Variants in DOCK3 observed in about 807,000 individuals in gnomAD.
DOCK3 encodes the protein dedicator of cytokinesis protein 3.
DOCK3 carries 60 observed loss-of-function variants against 265.6 expected under a neutral mutation model. The ratio of observed to expected loss-of-function variants is 0.23; its 90% CI spans 0.18 to 0.28. The LOEUF is 0.28. Among genes scored for constraint, DOCK3 ranks in the 10% least tolerant of loss-of-function variants. The pLI, the probability that DOCK3 is intolerant of heterozygous loss-of-function variation, is 1.00. For synonymous variants in DOCK3, 881 were observed against 938.0 expected (o/e 0.94, Z 1.11); for missense variants, 1,981 against 2,594.3 (o/e 0.76, Z 5.14).
Position 51,341,401 on chromosome 3 carries a change from C to G in DOCK3, c.3915+16C>G. 6.2e-7 allele frequency: 1 copy of G among 1,612,828 alleles called. No homozygotes were observed. The highest frequency in any genetic ancestry group is 8.5e-7 in the Non-Finnish European group (1 of 1,179,380). On this transcript the variant is annotated intron_variant, in intron 38 of 52. Coordinates refer to ENST00000266037, the MANE Select transcript of DOCK3 (RefSeq NM_004947.5). The stretch of plus-strand genomic sequence containing the variant: ...CAAAGGCAAGGTATGCATCATTAGG[C>G]AAGCCCTTTAGCCCTTCAGCTTCTG...
intron 3 of DOCK3, among the ~76,000 whole-genome samples, chr3:50,854,591 A>ATTTTTTTTTTTTTTTTT (rs1559726991): frequency 0.031 from 131 of 4,288 alleles, 12 homozygotes; most frequent in Middle Eastern, 0.17. Context: ...CCATCACACC[A>ATTTTTTTTTTTTTTTTT]GTTTTTTTTT....
At chr3:50,708,884 A>G (rs533758231) in intron 1 of DOCK3, among the ~76,000 whole-genome samples, 1 of 152,058 alleles carries the variant, frequency 6.6e-6, no homozygotes, top group African/African-American at 2.4e-5. Flanking sequence ...GCTCTGTTTG[A>G]TGTGTGGTTA....
chr3:51,280,329 C>A, intron 27 of DOCK3, 125 bp downstream of exon 27: 1 of 872,846 alleles, frequency 1.1e-6, no homozygotes, highest in Non-Finnish European at 1.7e-6. Context: ...GATTCACCAG[C>A]CCTGCTTTAC....
At chr3:51,031,704 A>C (rs1312192715) in intron 5 of DOCK3, among the ~76,000 whole-genome samples, 1 of 152,220 alleles carries the variant, frequency 6.6e-6, no homozygotes, top group African/African-American at 2.4e-5. Flanking sequence ...ATTCATGTCG[A>C]AACTTAAGCC....
At chr3:50,731,580 C>T (rs1157744982) in intron 1 of DOCK3, among the ~76,000 whole-genome samples, 2 of 107,128 alleles carry the variant, frequency 1.9e-5, no homozygotes, top group African/African-American at 6.8e-5. Context: ...AAAAATAAAT[C>T]AGTGTAATTC....
intron 32 of DOCK3, among the ~76,000 whole-genome samples, chr3:51,329,549 G>A (rs2084379461): frequency 6.6e-6 from 1 of 152,182 alleles, no homozygotes; most frequent in Non-Finnish European, 1.5e-5. Flanking sequence ...AAATGCAGGG[G>A]CCCGGTGATG....
intron 22 of DOCK3, among the ~76,000 whole-genome samples, chr3:51,249,536 G>C (rs1439784918): frequency 1.1e-5 from 1 of 91,276 alleles, no homozygotes; most frequent in African/African-American, 4.0e-5. Flanking sequence ...CAGCCGCCCG[G>C]TCCGGGAGGG....
intron 27 of DOCK3, among the ~76,000 whole-genome samples, chr3:51,302,582 C>T (rs1160532898): frequency 6.6e-6 from 1 of 151,902 alleles, no homozygotes; most frequent in East Asian, 1.9e-4. Context: ...ATATTTGGTG[C>T]TTCCTTCAGG....
At chr3:50,677,876 G>A (rs1230289899) in intron 1 of DOCK3, among the ~76,000 whole-genome samples, 2 of 152,174 alleles carry the variant, frequency 1.3e-5, no homozygotes, top group Non-Finnish European at 2.9e-5. Flanking sequence ...GGTGATGACT[G>A]AGCCCCCCTT....
intron 9 of DOCK3, among the ~76,000 whole-genome samples, chr3:51,097,163 A>AT (rs746197285): frequency 9.2e-5 from 14 of 152,312 alleles, no homozygotes; most frequent in Non-Finnish European, 1.9e-4. Flanking sequence ...CTGTCTTCAG[A>AT]TTCACAGGCA....
chr3:50,855,681 C>T (rs1341110688), intron 3 of DOCK3, among the ~76,000 whole-genome samples: 1 of 151,446 alleles, frequency 6.6e-6, no homozygotes. Context: ...TTATTTATTT[C>T]CTTCAACTTT....
intron 1 of DOCK3, among the ~76,000 whole-genome samples, chr3:50,735,525 A>G (rs1456973124): frequency 1.3e-5 from 2 of 151,974 alleles, no homozygotes; most frequent in Non-Finnish European, 2.9e-5. Context: ...TTTAATAGAG[A>G]CAGGGTTTCA....
chr3:50,803,909 G>A (rs576094143), intron 2 of DOCK3, among the ~76,000 whole-genome samples: 6 of 151,224 alleles, frequency 4.0e-5, no homozygotes, highest in South Asian at 4.2e-4. Context: ...TGGAGGGGGC[G>A]GCTGCCGGGT....
intron 2 of DOCK3, among the ~76,000 whole-genome samples, chr3:50,820,794 G>A (rs548698326): frequency 6.4e-5 from 9 of 141,244 alleles, no homozygotes; most frequent in Admixed American, 6.3e-4. Flanking sequence ...GTGTATAAAT[G>A]TTCCCCTTTC....
chr3:50,711,264 C>CTT (rs34839295), intron 1 of DOCK3, among the ~76,000 whole-genome samples: 5 of 139,874 alleles, frequency 3.6e-5, no homozygotes, highest in South Asian at 2.3e-4. Context: ...TTGCTTAGTC[C>CTT]TTTTTTTTTT....
At chr3:50,974,621 G>A (rs942371444) in intron 5 of DOCK3, among the ~76,000 whole-genome samples, 3 of 142,558 alleles carry the variant, frequency 2.1e-5, no homozygotes, top group African/African-American at 7.8e-5. Context: ...TTGGCGATGC[G>A]GGCTCTTTTT....
intron 3 of DOCK3, among the ~76,000 whole-genome samples, chr3:50,850,481 A>G (rs970314607): frequency 4.6e-5 from 7 of 151,656 alleles, no homozygotes; most frequent in African/African-American, 1.7e-4. Flanking sequence ...TTTATCTGTC[A>G]TTTCTGAGTC....
intron 5 of DOCK3, among the ~76,000 whole-genome samples, chr3:51,037,354 A>G (rs2108999732): frequency 6.6e-6 from 1 of 151,988 alleles, no homozygotes; most frequent in African/African-American, 2.4e-5. Flanking sequence ...TGGTTACATG[A>G]GTTAGTTCTT....
chr3:51,340,181 C>T (rs1247772501), intron 37 of DOCK3, among the ~76,000 whole-genome samples: 3 of 152,186 alleles, frequency 2.0e-5, no homozygotes, highest in Admixed American at 6.5e-5. Context: ...GGGGCCATGA[C>T]TGAGAGGCTG....
Sources: gnomAD v4.1 joint callset for allele counts (sites outside exome capture counted in the v4.1 genomes callset) on GRCh38, gnomAD v4.1.1 for gene constraint, MANE v1.5 for transcripts, NCBI Gene and HGNC (gene_info 2026-07-23, HGNC 2026-07-21) for gene names.